Variants in ZCCHC7 observed in about 807,000 individuals in gnomAD.
ZCCHC7 encodes the protein zinc finger CCHC domain-containing protein 7.
A neutral mutation model predicts 52.0 loss-of-function variants in ZCCHC7; 35 were observed. The observed-to-expected ratio is 0.67, with a 90% CI of 0.51 to 0.89. The LOEUF is 0.89. Ranked by LOEUF, ZCCHC7 falls within the 40% of genes least tolerant of loss-of-function variation. The pLI is 0.00. For synonymous variants in ZCCHC7, 217 were observed against 221.5 expected (o/e 0.98, Z 0.18); for missense variants, 574 against 649.1 (o/e 0.88, Z 1.26).
chr9:37,356,783 A>G, intron 8 of ZCCHC7, 52 bp from the exon 9 acceptor site: 2 of 1,502,378 alleles, frequency 1.3e-6, no homozygotes, highest in Non-Finnish European at 1.8e-6. Context: ...AGGAAAGCTC[A>G]GCATGGACTG....
At chr9:37,294,235 A>G (rs370631952) in intron 2 of ZCCHC7, among the ~76,000 whole-genome samples, 20 of 152,318 alleles carry the variant, frequency 1.3e-4, no homozygotes, top group Middle Eastern at 3.4e-3. Context: ...GTGTATTTCA[A>G]AAGTTTCCGT....
intron 2 of ZCCHC7, among the ~76,000 whole-genome samples, chr9:37,278,750 G>A (rs1827809274): frequency 6.6e-6 from 1 of 152,178 alleles, no homozygotes; most frequent in East Asian, 1.9e-4. Context: ...TAGAAACAAT[G>A]GAGGCCAAAT....
chr9:37,320,993 T>C (rs1476366390), intron 5 of ZCCHC7, among the ~76,000 whole-genome samples: 20 of 146,212 alleles, frequency 1.4e-4, no homozygotes, highest in South Asian at 6.6e-4. Context: ...TTTTCTTTTT[T>C]TTTTTTTTTT....
intron 6 of ZCCHC7, among the ~76,000 whole-genome samples, chr9:37,344,329 C>A (rs1820820827): frequency 6.6e-6 from 1 of 152,192 alleles, no homozygotes; most frequent in South Asian, 2.1e-4. Flanking sequence ...CTACCATTAG[C>A]TTCAAACCCA....
At chr9:37,223,095 A>G (rs1053231799) in intron 2 of ZCCHC7, among the ~76,000 whole-genome samples, 1 of 152,192 alleles carries the variant, frequency 6.6e-6, no homozygotes, top group African/African-American at 2.4e-5. Flanking sequence ...CAAAAGTCTT[A>G]AATGTGGCTA....
chr9:37,278,013 T>TG (rs1827762810), intron 2 of ZCCHC7, among the ~76,000 whole-genome samples: 1 of 135,768 alleles, frequency 7.4e-6, no homozygotes, highest in East Asian at 2.1e-4. Context: ...AGTTTTTTTG[T>TG]TTGTGTGTGT....
chr9:37,133,223 G>A (rs1374519212), intron 2 of ZCCHC7, among the ~76,000 whole-genome samples: 2 of 152,184 alleles, frequency 1.3e-5, no homozygotes, highest in Admixed American at 6.5e-5. Flanking sequence ...CTTCATGGCT[G>A]TGAGTTGGAC....
At chr9:37,346,303 TGAA>T (rs750170889) in intron 6 of ZCCHC7, among the ~76,000 whole-genome samples, 9 of 152,186 alleles carry the variant, frequency 5.9e-5, no homozygotes, top group Non-Finnish European at 1.2e-4. Flanking sequence ...GTGCCTGACC[TGAA>T]GAAGATTTTT....
chr9:37,237,123 G>A lies in ZCCHC7; in HGVS notation c.611-65065G>A, dbSNP rs898073869. Among the ~76,000 whole-genome samples, 31 of 152,150 alleles carry A rather than the reference G, an allele frequency of 2.0e-4. 1 individual carries two copies. The highest frequency in any genetic ancestry group is 7.5e-4 in the African/African-American group (31 of 41,442). On this transcript the variant is annotated intron_variant, in intron 2 of 8. Transcript: ENST00000336755. ...GCTGTACAGTAGTTTTATGAAGACT[G>A]AGCACTCAACCTGGAGTTCCTTAAA... is the stretch of plus-strand genomic sequence containing the variant.
At chr9:37,209,693 C>T (rs1824110893) in intron 2 of ZCCHC7, among the ~76,000 whole-genome samples, 1 of 152,154 alleles carries the variant, frequency 6.6e-6, no homozygotes, top group South Asian at 2.1e-4. Flanking sequence ...TTCTTGAATG[C>T]ATGACTGAAT....
intron 2 of ZCCHC7, among the ~76,000 whole-genome samples, chr9:37,205,978 C>G (rs548802538): frequency 6.6e-6 from 1 of 151,716 alleles, no homozygotes. Flanking sequence ...TGAATTGACC[C>G]CTTAGTCATT....
rs113890658 is a variant in ZCCHC7 at position 37,192,440 on chromosome 9, T to C, written c.610+65498T>C. 4.9e-4 allele frequency among the ~76,000 whole-genome samples: 75 copies of C among 152,348 alleles called. No homozygotes were observed. The Middle Eastern group carries it at 0.014, about 28-fold the overall frequency. ...CATATTTTCTTCTTTAGATCAGGTG[T>C]GTATTACAGGAGATTTTTGAAATGT... On this transcript the variant is annotated intron_variant, in intron 2 of 8. Coordinates refer to ENST00000336755, the MANE Select transcript of ZCCHC7 (RefSeq NM_032226.3).
At chr9:37,129,426 T>C (rs770117692) in intron 2 of ZCCHC7, among the ~76,000 whole-genome samples, 9 of 152,276 alleles carry the variant, frequency 5.9e-5, no homozygotes, top group African/African-American at 1.7e-4. Flanking sequence ...TTTATTTCCT[T>C]GATCCACTAA....
intron 2 of ZCCHC7, among the ~76,000 whole-genome samples, chr9:37,275,344 A>G (rs900481523): frequency 1.3e-5 from 1 of 75,538 alleles, no homozygotes; most frequent in African/African-American, 5.2e-5. Context: ...TTTGAGCTTT[A>G]TATTCATGGA....
chr9:37,354,579 A>G lies in ZCCHC7; in HGVS notation c.1084-131A>G, dbSNP rs755421077. 3.2e-6 allele frequency: 2 copies of G among 623,386 alleles called. No homozygotes were observed. Among genetic ancestry groups the G allele is most frequent in the Non-Finnish European group, 5.6e-6 (2 of 357,402 alleles). The allele number at this position is 623,386 out of a possible 1,614,324, so 38.6% of individuals were successfully genotyped here. A position where few individuals can be genotyped will look rare whatever the true frequency, so the allele number is the denominator to read the frequency against. On this transcript the variant is annotated intron_variant, in intron 7 of 8. Transcript: ENST00000336755. The surrounding 1 kb of genome is among the most constrained non-coding windows in gnomAD (Gnocchi z 4.0). ...CCCTCCCAACACCCCAGCAAGGACC[A>G]TATCCTACAGCCACCACATGAGGTA... is the stretch of plus-strand genomic sequence containing the variant.
At chr9:37,349,092 T>C (rs1255437248) in intron 6 of ZCCHC7, among the ~76,000 whole-genome samples, 2 of 152,234 alleles carry the variant, frequency 1.3e-5, no homozygotes, top group Admixed American at 6.5e-5. Flanking sequence ...TTATACTGTG[T>C]TGGATACCGA....
chr9:37,326,229 G>C (rs1327664496), intron 5 of ZCCHC7: 4 of 152,068 alleles, frequency 2.6e-5, no homozygotes, highest in Non-Finnish European at 5.9e-5. Context: ...TATAAAAATA[G>C]ATATTTCTTG....
intron 2 of ZCCHC7, among the ~76,000 whole-genome samples, chr9:37,255,637 T>A (rs1248569561): frequency 6.6e-6 from 1 of 152,160 alleles, no homozygotes; most frequent in Admixed American, 6.5e-5. Context: ...TTGCCAACAC[T>A]GAGCATTTGA....
chr9:37,309,094 A>C (rs1248509079), intron 5 of ZCCHC7, among the ~76,000 whole-genome samples: 1 of 152,128 alleles, frequency 6.6e-6, no homozygotes, highest in Non-Finnish European at 1.5e-5. Flanking sequence ...CTTTTCCCCA[A>C]ATCTACCAGT....
Sources: allele counts gnomAD v4.1 joint callset (sites outside exome capture counted in the v4.1 genomes callset), GRCh38; gene constraint gnomAD v4.1.1; non-coding constraint Gnocchi (gnomAD v3.1); transcripts MANE v1.5; gene names NCBI Gene and HGNC (gene_info 2026-07-23, HGNC 2026-07-21).